WDR11: variants seen among roughly 807,000 people sequenced by gnomAD.
The protein encoded by WDR11 is WD repeat-containing protein 11.
In WDR11, 83 loss-of-function variants were observed where a neutral mutation model predicts 151.2. The ratio of observed to expected loss-of-function variants is 0.55; its 90% confidence interval spans 0.46 to 0.66. WDR11 has a LOEUF of 0.66. Ranked by LOEUF, WDR11 falls within the 30% of genes least tolerant of loss-of-function variation. The pLI is 0.00. For synonymous variants in WDR11, 484 were observed against 533.1 expected, an observed-to-expected ratio of 0.91 and a Z score of 1.27; for missense variants, 1,301 against 1,480.9, an observed-to-expected ratio of 0.88 and a Z score of 1.99.
rs1472739178 is a variant in WDR11, at chr10:120,852,625, A to G, written c.188A>G (p.Asp63Gly). 1 of 1,613,790 alleles carries G rather than the reference A, an allele frequency of 6.2e-7. No individual in the cohort carries two copies. Among genetic ancestry groups the G allele is most frequent in the Non-Finnish European group, 8.5e-7 (1 of 1,179,810 alleles). The change falls in exon 2 of 29, where the codon GAT becomes GGT. Residue 63 changes from aspartate (D) to glycine (G), a missense_variant. Physicochemically the swap from Asp to Gly is moderately conservative, Grantham distance 94 (BLOSUM62 -1). Coordinates refer to ENST00000263461, the MANE Select transcript of WDR11 (RefSeq NM_018117.12). ...CAAGTTTTAGAAAAGCATAAAGCTG[A>G]TGTTGTAAAGGTAAGTAAAATCCCA... ...TLQVLEKHKA[D>G]VVKVKWAREN...
At chr10:120,864,088 CTCTG>C (rs1846230707) in intron 5 of WDR11, among the ~76,000 whole-genome samples, 1 of 152,108 alleles carries the variant, frequency 6.6e-6, no homozygotes, top group Admixed American at 6.5e-5. Context: ...AGTAGAACCG[CTCTG>C]GGTGCTTTCA....
At position 120,908,848 on chromosome 10, in the gene WDR11, A is replaced by AAGAC. The variant is rs2133823807; in HGVS notation, c.*135_*136insAGAC. ...GCTGTTTGACCACTGTTCTAAGACT[A>AAGAC]TGTGTGCCCAAAAGCACATAAGCAT... On this transcript the variant is annotated 3_prime_UTR_variant, in exon 29 of 29. Transcript: ENST00000263461. The AAGAC allele has an allele frequency of 5.9e-6, 5 of 851,050 alleles. No homozygotes were observed. Among genetic ancestry groups the AAGAC allele is most frequent in the South Asian group, 4.4e-5 (3 of 68,426 alleles). The allele number at this position is 851,050 out of a possible 1,614,324, so 52.7% of individuals were successfully genotyped here.
At chr10:120,867,427 C>T (rs1846354370) in intron 9 of WDR11, among the ~76,000 whole-genome samples, 1 of 152,180 alleles carries the variant, frequency 6.6e-6, no homozygotes, top group South Asian at 2.1e-4. Flanking sequence ...TAAATGAAAG[C>T]AATGACATTA....
intron 27 of WDR11, 70 bp from the exon 28 acceptor site, chr10:120,906,705 AC>A: frequency 6.2e-7 from 1 of 1,613,180 alleles, no homozygotes; most frequent in Non-Finnish European, 8.5e-7. Context: ...ATGTCTTTAT[AC>A]CCTTCGATGC....
chr10:120,886,948 C>G, intron 16 of WDR11, 112 bp downstream of exon 16: 12 of 1,153,524 alleles, frequency 1.0e-5, no homozygotes, highest in East Asian at 2.5e-5. Context: ...TGTAAATAAA[C>G]TTTATTTAAG....
At chr10:120,874,932 A>G (rs1054037569) in intron 11 of WDR11, among the ~76,000 whole-genome samples, 4 of 151,892 alleles carry the variant, frequency 2.6e-5, no homozygotes, top group Non-Finnish European at 4.4e-5. Flanking sequence ...CCCCACATGC[A>G]TTAGGTATTT....
intron 4 of WDR11, among the ~76,000 whole-genome samples, chr10:120,861,210 C>T (rs984280545): frequency 1.3e-5 from 2 of 152,084 alleles, no homozygotes; most frequent in African/African-American, 4.8e-5. Context: ...TTGTTTTACC[C>T]ATCAACTTTT....
intron 11 of WDR11, among the ~76,000 whole-genome samples, chr10:120,874,587 G>T (rs11199619): frequency 0.31 from 46,744 of 151,090 alleles, 7,439 homozygotes; most frequent in Admixed American, 0.41. Flanking sequence ...AGGCCCTAGT[G>T]TGTGTTGTTC....
chr10:120,858,715 G>A lies in WDR11; in HGVS notation c.271G>A (p.Val91Ile). 6.2e-7 allele frequency: 1 copy of A among 1,614,224 alleles called. No individual in the cohort carries two copies. Among genetic ancestry groups the A allele is most frequent in the South Asian group, 1.1e-5 (1 of 91,088 alleles). The change falls in exon 3 of 29, where the codon GTC (valine) becomes ATC (isoleucine). Residue 91 changes from valine to isoleucine, a missense_variant. By Grantham distance (29) the Val-to-Ile change is conservative. Transcript: ENST00000263461. Reference sequence around the variant, plus strand: ...TTGCTTACGGTTAGCTTCTGCTGATGTCAATGGGAAGATCATCGTCTGGGA... The same window carrying A: ...TTGCTTACGGTTAGCTTCTGCTGATATCAATGGGAAGATCATCGTCTGGGA... ...PYCLRLASAD[V>I]NGKIIVWDVA...
At position 120,862,611 on chromosome 10, in the gene WDR11, G is replaced by A. The variant is rs1846180727; in HGVS notation, c.527-124G>A. The A allele has an allele frequency of 6.1e-6, 6 of 991,338 alleles. No homozygotes were observed. In the East Asian group the frequency reaches 1.4e-4, roughly 24 times the overall value. 61.4% of individuals were successfully genotyped at this position (991,338 alleles called of 1,614,324 possible). A position where few individuals can be genotyped will look rare whatever the true frequency, so the allele number is the denominator to read the frequency against. On this transcript the variant is annotated intron_variant, in intron 4 of 28. Transcript: ENST00000263461. ...AGAACATTCCCATTATGTTATGAAT[G>A]CATAACATTGCCAGTTATATATTAT...
At chr10:120,891,690 A>T (rs1847434668) in intron 19 of WDR11, among the ~76,000 whole-genome samples, 1 of 152,170 alleles carries the variant, frequency 6.6e-6, no homozygotes, top group Non-Finnish European at 1.5e-5. Flanking sequence ...TAGAGTCAAT[A>T]TTTGGCACTT....
At position 120,906,855 on chromosome 10, in the gene WDR11, G is replaced by C. The variant is rs1848074154; in HGVS notation, c.3517G>C (p.Glu1173Gln). ...AGCATTTGAAGTCACTGAGGACACA[G>C]ATATCCTTTGCAAGGTTGTTTGTAG... ...YGAFEVTEDT[E>Q]KLITAIYADY... Residue 1173 changes from glutamate (E) to glutamine (Q), a missense_variant and splice_region_variant, in exon 28 of 29, where the codon GAG (glutamate) becomes CAG (glutamine). Transcript: ENST00000263461. 6.2e-7 allele frequency: 1 copy of C among 1,614,066 alleles called. No homozygotes were observed. Among genetic ancestry groups the C allele is most frequent in the African/African-American group, 1.3e-5 (1 of 74,932 alleles).
chr10:120,906,895 G>A, intron 28 of WDR11, 40 bp downstream of exon 28: 1 of 1,613,978 alleles, frequency 6.2e-7, no homozygotes, highest in Non-Finnish European at 8.5e-7. Context: ...GAGGAAGAAA[G>A]TGACATGCAT....
At chr10:120,875,009 G>A (rs771799245) in intron 11 of WDR11, among the ~76,000 whole-genome samples, 5 of 150,068 alleles carry the variant, frequency 3.3e-5, no homozygotes, top group East Asian at 2.0e-4. Flanking sequence ...TGTTCCTCTC[G>A]CTGTGTCTAT....
chr10:120,875,938 A>C (rs1218236837), intron 11 of WDR11, among the ~76,000 whole-genome samples: 1 of 150,926 alleles, frequency 6.6e-6, no homozygotes, highest in Non-Finnish European at 1.5e-5. Flanking sequence ...TATCCTGAGT[A>C]CATGCATTTT....
intron 2 of WDR11, among the ~76,000 whole-genome samples, chr10:120,857,760 T>C (rs1394815464): frequency 2.0e-5 from 3 of 152,234 alleles, no homozygotes; most frequent in Admixed American, 1.3e-4. Context: ...ATTTATAGAT[T>C]TGTGGTATTT....
chr10:120,868,439 A>G (rs1846394692), intron 9 of WDR11, among the ~76,000 whole-genome samples: 1 of 152,214 alleles, frequency 6.6e-6, no homozygotes. Flanking sequence ...CCTGGGCAAC[A>G]GAGCGAGACT....
intron 28 of WDR11, chr10:120,907,807 G>C (rs1848119762): frequency 1.0e-5 from 1 of 100,126 alleles, no homozygotes; most frequent in Admixed American, 1.1e-4. Context: ...ATTGTGCCTG[G>C]CTTTTTTTTT....
intron 19 of WDR11, among the ~76,000 whole-genome samples, chr10:120,897,034 G>C (rs1400591938): frequency 6.6e-6 from 1 of 152,192 alleles, no homozygotes; most frequent in African/African-American, 2.4e-5. Flanking sequence ...GGGGCATCTT[G>C]TGGTGCCAGA....
Sources: gnomAD v4.1 joint callset for allele counts (sites outside exome capture counted in the v4.1 genomes callset) on GRCh38, gnomAD v4.1.1 for gene constraint, MANE v1.5 for transcripts, NCBI Gene and HGNC (gene_info 2026-07-23, HGNC 2026-07-21) for gene names.